CELSR1: variants seen among roughly 807,000 people sequenced by gnomAD.
The protein encoded by CELSR1 is cadherin EGF LAG seven-pass G-type receptor 1.
A neutral mutation model predicts 249.1 loss-of-function variants in CELSR1; 110 were observed. That is an observed-to-expected ratio of 0.44 (90% CI 0.38 to 0.52). The LOEUF (loss-of-function observed/expected upper bound fraction) is 0.52. Among genes scored for constraint, CELSR1 ranks in the 20% least tolerant of loss-of-function variants. The probability of loss-of-function intolerance (pLI) is 0.00; values close to 1 mark genes in which losing one functional copy is unlikely to be tolerated. For synonymous variants in CELSR1, 2,113 were observed against 1,900.0 expected, an observed-to-expected ratio of 1.11 and a Z score of -2.92; for missense variants, 4,109 against 4,296.4, an observed-to-expected ratio of 0.96 and a Z score of 1.22.
Position 46,536,103 on chromosome 22 carries a change from C to T in CELSR1, c.1068G>A (p.Ser356=), listed in dbSNP as rs775705479. Residue 356 remains serine (S), a synonymous_variant, in exon 1 of 35, where the codon TCG becomes TCA. Transcript: ENST00000674500. ...TNDHSPVFEQ[S]EYRERVRENL... ...TCTCCCGCACGCGCTCGCGGTACTC[C>T]GACTGCTCGAAGACCGGGCTGTGGT... 6 of 1,612,280 alleles carry T rather than the reference C, an allele frequency of 3.7e-6. No homozygotes were observed. In the South Asian group the frequency reaches 5.5e-5, roughly 15 times the overall value.
At chr22:46,458,810 G>A (rs542714641) in intron 2 of CELSR1, among the ~76,000 whole-genome samples, 8 of 152,330 alleles carry the variant, frequency 5.3e-5, no homozygotes, top group Non-Finnish European at 8.8e-5. Context: ...ACAGATACAT[G>A]GGAAAGGCCG....
chr22:46,512,641 A>G lies in CELSR1; in HGVS notation c.3544+20986T>C, dbSNP rs1429313125. On this transcript the variant is annotated intron_variant, in intron 1 of 34. Coordinates refer to ENST00000674500, the MANE Select transcript of CELSR1 (RefSeq NM_001378328.1). This position sits in a 1 kb window ranked among gnomAD's most constrained non-coding sequence, Gnocchi z 5.2. Reference sequence around the variant, plus strand: ...CATCTGCTGAAGCCAGGAGGCCTCAAATGGCCTCACCACAGGTCCCCCGCC... The same window carrying G: ...CATCTGCTGAAGCCAGGAGGCCTCAGATGGCCTCACCACAGGTCCCCCGCC... Among the ~76,000 whole-genome samples, 2 of 152,172 alleles carry G rather than the reference A, an allele frequency of 1.3e-5. No individual in the cohort carries two copies.
chr22:46,505,067 C>A (rs924567464), intron 1 of CELSR1, among the ~76,000 whole-genome samples: 1 of 151,576 alleles, frequency 6.6e-6, no homozygotes, highest in African/African-American at 2.4e-5. Flanking sequence ...TCGAGACCAT[C>A]CTGGCTAACA....
rs915242984 is a variant in CELSR1, at chr22:46,454,275, A to G, written c.4183+9432T>C. On this transcript the variant is annotated intron_variant, in intron 2 of 34. Coordinates refer to ENST00000674500, the MANE Select transcript of CELSR1 (RefSeq NM_001378328.1). The surrounding 1 kb of genome is among the most constrained non-coding windows in gnomAD (Gnocchi z 5.1). ...CCTGAATGCAGGGCTCCTGCCCTCC[A>G]GAACAGTAAGAATGAATCCGTGCTG... Among the ~76,000 whole-genome samples the G allele has an allele frequency of 3.9e-5, 6 of 152,208 alleles. No homozygotes were observed. The highest frequency in any genetic ancestry group is 1.4e-4 in the African/African-American group (6 of 41,466).
intron 2 of CELSR1, among the ~76,000 whole-genome samples, chr22:46,450,136 A>T (rs2079866977): frequency 6.6e-6 from 1 of 152,162 alleles, no homozygotes; most frequent in Non-Finnish European, 1.5e-5. Context: ...AGCCTCAGCA[A>T]TGGGTCATGC....
intron 5 of CELSR1, among the ~76,000 whole-genome samples, chr22:46,425,230 C>T (rs1360733368): frequency 6.6e-6 from 1 of 152,164 alleles, no homozygotes; most frequent in Non-Finnish European, 1.5e-5. Flanking sequence ...TGAATCACAT[C>T]TATATTCATG....
At chr22:46,479,517 C>T (rs1320569974) in intron 1 of CELSR1, among the ~76,000 whole-genome samples, 1 of 150,990 alleles carries the variant, frequency 6.6e-6, no homozygotes, top group Non-Finnish European at 1.5e-5. Flanking sequence ...ACAAGCTCAT[C>T]ACGGAGCCAG....
At position 46,384,602 on chromosome 22, in the gene CELSR1, C is replaced by T; in HGVS notation, c.6824G>A (p.Arg2275Lys). 1 of 1,613,808 alleles carries T rather than the reference C, an allele frequency of 6.2e-7. No homozygotes were observed. Among genetic ancestry groups the T allele is most frequent in the Non-Finnish European group, 8.5e-7 (1 of 1,179,890 alleles). ...GAAGGAGACGGAGGACTCCAGCTCC[C>T]TGGGGAACTCTTCATGGATGGTGTC... ...RFDTIHEEFP[R>K]ELESSVSFPA... Residue 2275 changes from arginine (R) to lysine (K), a missense_variant, in exon 20 of 35, where the codon AGG becomes AAG. By Grantham distance (26) the Arg-to-Lys change is conservative (BLOSUM62 2). Around this residue, in one of 7 missense-constraint regions of CELSR1, gnomAD observed 1,805 missense variants for 1,831.6 expected, o/e 0.99. Transcript: ENST00000674500.
chr22:46,536,920 C>T lies in CELSR1; in HGVS notation c.251G>A (p.Arg84His). 2 of 1,174,214 alleles carry T rather than the reference C, an allele frequency of 1.7e-6. No individual in the cohort carries two copies. Among genetic ancestry groups the T allele is most frequent in the Non-Finnish European group, 2.1e-6 (2 of 951,626 alleles). 72.7% of individuals were successfully genotyped at this position (1,174,214 alleles called of 1,614,324 possible). Residue 84 changes from arginine to histidine, a missense_variant, in exon 1 of 35, where the codon CGC (arginine) becomes CAC (histidine). By Grantham distance (29) the Arg-to-His change is conservative. Transcript: ENST00000674500. Reference protein sequence around the residue: ...AGRRRVSGAGRPLPLQVRLVA... With the variant: ...AGRRRVSGAGHPLPLQVRLVA... ...CAAGCGGACTTGCAGCGGCAGCGGG[C>T]GCCCCGCGCCCGAGACGCGCCGACG...
At chr22:46,431,969 T>TG (rs1328991273) in intron 5 of CELSR1, among the ~76,000 whole-genome samples, 1 of 152,168 alleles carries the variant, frequency 6.6e-6, no homozygotes, top group Admixed American at 6.5e-5. Context: ...CCCAGACACC[T>TG]GCCAGCCTTC....
rs369302596 is a variant in CELSR1, at chr22:46,535,152, C to A, written c.2019G>T (p.Val673=). ...GSPPMSSSTS[V]SITVLDVNDN... is the part of the protein sequence containing the mutation. ...CATTCACGTCCAGCACCGTGATGGA[C>A]ACGCTGGTGGAGGAGCTCATGGGGG... Residue 673 remains valine, a synonymous_variant, in exon 1 of 35, where the codon GTG becomes GTT. Coordinates refer to ENST00000674500, the MANE Select transcript of CELSR1 (RefSeq NM_001378328.1). 1.4e-4 allele frequency: 219 copies of A among 1,609,994 alleles called. No individual in the cohort carries two copies. Among genetic ancestry groups the A allele is most frequent in the Non-Finnish European group, 1.7e-4 (204 of 1,179,660 alleles).
Position 46,410,650 on chromosome 22 carries a change from C to A in CELSR1, c.4770-89G>T. 7.3e-7 allele frequency: 1 copy of A among 1,361,736 alleles called. No individual in the cohort carries two copies. The highest frequency in any genetic ancestry group is 1.0e-6 in the Non-Finnish European group (1 of 976,424). 84.4% of individuals were successfully genotyped at this position (1,361,736 alleles called of 1,614,324 possible). On this transcript the variant is annotated intron_variant, in intron 6 of 34. Transcript: ENST00000674500. This position sits in a 1 kb window ranked among gnomAD's most constrained non-coding sequence, Gnocchi z 6.8. ...CTCCGCAGTTGCCTCTGTGTAGCCT[C>A]TACCACCATAACTACTTCAGAAACC...
chr22:46,436,208 G>T lies in CELSR1; in HGVS notation c.4488C>A (p.Ile1496=). The T allele has an allele frequency of 1.2e-6, 2 of 1,613,364 alleles. No individual in the cohort carries two copies. The highest frequency in any genetic ancestry group is 8.5e-7 in the Non-Finnish European group (1 of 1,179,428). Reference sequence around the variant, plus strand: ...AGGTGAGCTGCACCTGCTCGTCCACGATCTCCAGGGCGATGAAGTCGTGCT... The same window carrying T: ...AGGTGAGCTGCACCTGCTCGTCCACTATCTCCAGGGCGATGAAGTCGTGCT... ...NEKHDFIALE[I]VDEQVQLTFS... The change falls in exon 4 of 35, where the codon ATC becomes ATA. Residue 1496 remains isoleucine (I), a synonymous_variant. Coordinates refer to ENST00000674500, the MANE Select transcript of CELSR1 (RefSeq NM_001378328.1). This position sits in a 1 kb window ranked among gnomAD's most constrained non-coding sequence, Gnocchi z 5.9.
In CELSR1 at chr22:46,434,203, G is replaced by A. The variant is rs1033404788; in HGVS notation, c.4523-722C>T. On this transcript the variant is annotated intron_variant, in intron 4 of 34. Transcript: ENST00000674500. The surrounding 1 kb of genome is among the most constrained non-coding windows in gnomAD (Gnocchi z 4.9). ...CTTAAACCACGTAACACGTCCCATC[G>A]TGAGGTCGCGGACGCGTCTCTTGTG... is the stretch of plus-strand genomic sequence containing the variant. Among the ~76,000 whole-genome samples the A allele has an allele frequency of 1.6e-4, 25 of 152,320 alleles. No homozygotes were observed. The highest frequency in any genetic ancestry group is 5.9e-4 in the Admixed American group (9 of 15,306).
In CELSR1 at chr22:46,506,167, T is replaced by C. The variant is rs1472395171; in HGVS notation, c.3544+27460A>G. Among the ~76,000 whole-genome samples the C allele has an allele frequency of 5.6e-5, 6 of 107,794 alleles. No homozygotes were observed. The highest frequency in any genetic ancestry group is 2.5e-4 in the African/African-American group (6 of 24,428). The allele number at this position is 107,794 out of a possible 152,430, so 70.7% of individuals were successfully genotyped here. On this transcript the variant is annotated intron_variant, in intron 1 of 34. Coordinates refer to ENST00000674500, the MANE Select transcript of CELSR1 (RefSeq NM_001378328.1). The surrounding 1 kb of genome is among the most constrained non-coding windows in gnomAD (Gnocchi z 4.1). ...GCAGTCCAGCCTGGGCGACAGAGAC[T>C]GTCTCCAAAAAAAAAAAAAAAAAAA... is the stretch of plus-strand genomic sequence containing the variant.
rs1049865655 is a variant in CELSR1, at chr22:46,428,163, C to T, written c.4611+5230G>A. On this transcript the variant is annotated intron_variant, in intron 5 of 34. Transcript: ENST00000674500. The surrounding 1 kb of genome is among the most constrained non-coding windows in gnomAD (Gnocchi z 5.7). ...GGCCGGTCCTCCGGTTTGTTGCAAC[C>T]GGGCCTCATGCTGTCTTTATAAAAG... is the stretch of plus-strand genomic sequence containing the variant. Among the ~76,000 whole-genome samples, 11 of 152,174 alleles carry T rather than the reference C, an allele frequency of 7.2e-5. No homozygotes were observed. Among genetic ancestry groups the T allele is most frequent in the African/African-American group, 2.2e-4 (9 of 41,438 alleles).
At chr22:46,383,540 C>A (rs8138097) in intron 20 of CELSR1, among the ~76,000 whole-genome samples, 12 of 152,008 alleles carry the variant, frequency 7.9e-5, no homozygotes, top group Non-Finnish European at 1.2e-4. Context: ...AGCTTTCCCC[C>A]CAACCAGACA....
At position 46,473,886 on chromosome 22, in the gene CELSR1, G is replaced by A. The variant is rs926925314; in HGVS notation, c.3545-9541C>T. ...GTGCGATGTGTTGATCCTGCTACCT[G>A]AGGGCGTGTGGCTTTTCTCCTTTCT... On this transcript the variant is annotated intron_variant, in intron 1 of 34. Transcript: ENST00000674500. This position sits in a 1 kb window ranked among gnomAD's most constrained non-coding sequence, Gnocchi z 6.6. 1.3e-5 allele frequency among the ~76,000 whole-genome samples: 2 copies of A among 152,136 alleles called. No homozygotes were observed. Among genetic ancestry groups the A allele is most frequent in the African/African-American group, 4.8e-5 (2 of 41,398 alleles).
intron 1 of CELSR1, among the ~76,000 whole-genome samples, chr22:46,465,163 A>G (rs1228397549): frequency 1.3e-5 from 2 of 152,036 alleles, no homozygotes; most frequent in Non-Finnish European, 2.9e-5. Context: ...AGTGGCTCCC[A>G]GGGACGGAGC....
Sources: gnomAD v4.1 joint callset for allele counts (sites outside exome capture counted in the v4.1 genomes callset) on GRCh38, gnomAD v4.1.1 for gene constraint, gnomAD v4.1.1 regional missense constraint, Gnocchi (gnomAD v3.1) non-coding constraint, MANE v1.5 for transcripts, NCBI Gene and HGNC (gene_info 2026-07-23, HGNC 2026-07-21) for gene names.